Variants in PDZD8 observed in about 807,000 individuals in gnomAD.
PDZD8 encodes the protein PDZ domain-containing protein 8.
PDZD8 carries 14 observed loss-of-function variants against 85.8 expected under a neutral mutation model. The ratio of observed to expected loss-of-function variants is 0.16; its 90% CI spans 0.11 to 0.26. PDZD8 has a LOEUF of 0.26. Ranked by LOEUF, PDZD8 falls within the 10% of genes least tolerant of loss-of-function variation. PDZD8 has a pLI of 1.00. For synonymous variants in PDZD8, 592 were observed against 568.6 expected, an observed-to-expected ratio of 1.04 and a Z score of -0.59; for missense variants, 1,197 against 1,424.3, an observed-to-expected ratio of 0.84 and a Z score of 2.57.
chr10:117,344,613 TC>T (rs1393944170), intron 1 of PDZD8, among the ~76,000 whole-genome samples: 2 of 152,138 alleles, frequency 1.3e-5, no homozygotes, highest in African/African-American at 4.8e-5. Flanking sequence ...GGTCTCTATC[TC>T]CTGACCTCGT....
chr10:117,326,728 C>G (rs182052069), intron 2 of PDZD8, among the ~76,000 whole-genome samples: 1 of 152,318 alleles, frequency 6.6e-6, no homozygotes, highest in African/African-American at 2.4e-5. Flanking sequence ...ACCACTCATT[C>G]TCTCTCCTTG....
intron 1 of PDZD8, among the ~76,000 whole-genome samples, chr10:117,367,500 G>A (rs1411489869): frequency 1.3e-5 from 2 of 152,200 alleles, no homozygotes; most frequent in East Asian, 3.8e-4. Flanking sequence ...CTAGAGCAAA[G>A]ATGTAATGTA....
At chr10:117,287,544 C>T (rs1294726507) in intron 4 of PDZD8, among the ~76,000 whole-genome samples, 1 of 152,176 alleles carries the variant, frequency 6.6e-6, no homozygotes, top group Non-Finnish European at 1.5e-5. Context: ...TCTGTCCTCA[C>T]TACTATCAAT....
chr10:117,301,687 C>T (rs1280715364), intron 3 of PDZD8, among the ~76,000 whole-genome samples: 6 of 152,316 alleles, frequency 3.9e-5, no homozygotes, highest in African/African-American at 1.4e-4. Context: ...CAATTAGAGG[C>T]AGCAAGAAGG....
chr10:117,325,266 G>A (rs902641359), intron 2 of PDZD8, among the ~76,000 whole-genome samples: 2 of 152,050 alleles, frequency 1.3e-5, no homozygotes, highest in Non-Finnish European at 2.9e-5. Context: ...ACCTCAGAGA[G>A]GAATTCACCA....
At chr10:117,290,087 A>G (rs1844730197) in intron 4 of PDZD8, 99 bp downstream of exon 4, 1 of 1,027,004 alleles carries the variant, frequency 9.7e-7, no homozygotes, top group Non-Finnish European at 1.4e-6. Flanking sequence ...TGACATATGC[A>G]TATTATAGAA....
At chr10:117,303,507 G>A (rs939788016) in intron 3 of PDZD8, among the ~76,000 whole-genome samples, 7 of 152,224 alleles carry the variant, frequency 4.6e-5, no homozygotes, top group East Asian at 1.9e-4. Context: ...ATTTTGTGGG[G>A]AGAAATTCAA....
rs1251379175 is a variant in PDZD8 at position 117,278,406 on chromosome 10, AATGT to A, written c.*4858_*4861del. The stretch of plus-strand genomic sequence containing the variant: ...AGAAAAGAAAAATGGAACATCTAAA[AATGT>A]ATGTGCTAACTATATCATCCAGTGT... On this transcript the variant is annotated 3_prime_UTR_variant, in exon 5 of 5. Transcript: ENST00000334464. 6.6e-6 allele frequency: 1 copy of A among 152,224 alleles called. No homozygotes were observed. The highest frequency in any genetic ancestry group is 1.5e-5 in the Non-Finnish European group (1 of 68,036). 9.4% of individuals were successfully genotyped at this position (152,224 alleles called of 1,614,324 possible). A position where few individuals can be genotyped will look rare whatever the true frequency, so the allele number is the denominator to read the frequency against.
At chr10:117,337,047 C>T (rs1352414676) in intron 2 of PDZD8, among the ~76,000 whole-genome samples, 1 of 151,692 alleles carries the variant, frequency 6.6e-6, no homozygotes, top group East Asian at 1.9e-4. Context: ...CGAGATCATG[C>T]CACTGCACTC....
intron 2 of PDZD8, among the ~76,000 whole-genome samples, chr10:117,336,000 T>C (rs1229684721): frequency 1.3e-5 from 2 of 152,220 alleles, no homozygotes; most frequent in Non-Finnish European, 2.9e-5. Context: ...TTATCCAAAA[T>C]GCTTAGGACC....
chr10:117,295,731 T>A (rs1315585403), intron 3 of PDZD8, among the ~76,000 whole-genome samples: 1 of 152,124 alleles, frequency 6.6e-6, no homozygotes, highest in Non-Finnish European at 1.5e-5. Flanking sequence ...TTTATCGTGT[T>A]AACAAAACAA....
intron 2 of PDZD8, among the ~76,000 whole-genome samples, chr10:117,320,930 T>C (rs764738250): frequency 1.4e-4 from 21 of 152,270 alleles, no homozygotes; most frequent in African/African-American, 3.1e-4. Flanking sequence ...TCATTAGCCA[T>C]TGAAGAAGGG....
Position 117,374,071 on chromosome 10 carries a change from C to G in PDZD8, c.872+285G>C, listed in dbSNP as rs1205937124. On this transcript the variant is annotated intron_variant, in intron 1 of 4. Transcript: ENST00000334464. This position sits in a 1 kb window ranked among gnomAD's most constrained non-coding sequence, Gnocchi z 7.8. The stretch of plus-strand genomic sequence containing the variant: ...CTCCTGGGGATTAGGGTAGGCTTCC[C>G]TTCCATTTCCAATATGCTGCTTATA... Among the ~76,000 whole-genome samples, 3 of 152,188 alleles carry G rather than the reference C, an allele frequency of 2.0e-5. No individual in the cohort carries two copies. Among genetic ancestry groups the G allele is most frequent in the African/African-American group, 7.2e-5 (3 of 41,450 alleles).
chr10:117,330,534 T>C (rs1270435125), intron 2 of PDZD8, among the ~76,000 whole-genome samples: 1 of 152,198 alleles, frequency 6.6e-6, no homozygotes, highest in Admixed American at 6.5e-5. Context: ...ACTCAGATCC[T>C]TAGAGTTCCT....
chr10:117,323,367 C>T (rs975686312), intron 2 of PDZD8, among the ~76,000 whole-genome samples: 2 of 152,166 alleles, frequency 1.3e-5, no homozygotes, highest in African/African-American at 4.8e-5. Flanking sequence ...CTACTGCTCC[C>T]CTCTATCCTA....
At chr10:117,318,320 T>C (rs575171120) in intron 3 of PDZD8, among the ~76,000 whole-genome samples, 112 of 152,304 alleles carry the variant, frequency 7.4e-4, no homozygotes, top group Non-Finnish European at 9.0e-4. Flanking sequence ...TGTGAATCTT[T>C]GGGAATAGCT....
chr10:117,345,047 G>A (rs1398489221), intron 1 of PDZD8, among the ~76,000 whole-genome samples: 1 of 152,228 alleles, frequency 6.6e-6, no homozygotes, highest in African/African-American at 2.4e-5. Context: ...CACCCAGAGA[G>A]AAGCCTGCAG....
intron 1 of PDZD8, among the ~76,000 whole-genome samples, chr10:117,348,235 A>G (rs548859410): frequency 6.6e-6 from 1 of 152,348 alleles, no homozygotes; most frequent in Admixed American, 6.5e-5. Context: ...AAATCATAAA[A>G]TGGCACAGCT....
In PDZD8 at chr10:117,301,136, G is replaced by A. The variant is rs368086223; in HGVS notation, c.1099-10788C>T. 9.4e-4 allele frequency among the ~76,000 whole-genome samples: 143 copies of A among 152,008 alleles called. 1 individual carries two copies. The highest frequency in any genetic ancestry group is 3.0e-3 in the African/African-American group (124 of 41,478). On this transcript the variant is annotated intron_variant, in intron 3 of 4. Transcript: ENST00000334464. ...TCAGAGTAGCTGGGATTACAGGTGC[G>A]TGCCACCACACCTGGCTAATTTTTA...
Sources: allele counts gnomAD v4.1 joint callset (sites outside exome capture counted in the v4.1 genomes callset), GRCh38; gene constraint gnomAD v4.1.1; non-coding constraint Gnocchi (gnomAD v3.1); transcripts MANE v1.5; gene names NCBI Gene and HGNC (gene_info 2026-07-23, HGNC 2026-07-21).